RAD51B: variants seen among roughly 807,000 people sequenced by gnomAD.
RAD51B encodes the protein RAD51 paralog B.
RAD51B carries 38 observed loss-of-function variants against 42.2 expected under a neutral mutation model. The ratio of observed to expected loss-of-function variants is 0.90; its 90% CI spans 0.70 to 1.18. The LOEUF (loss-of-function observed/expected upper bound fraction) is 1.18. Ranked by LOEUF, RAD51B falls within the 50% of genes most tolerant of loss-of-function variation. The probability of loss-of-function intolerance (pLI) is 0.00; values close to 1 mark genes in which losing one functional copy is unlikely to be tolerated. For missense variants in RAD51B, 373 were observed against 400.7 expected, an observed-to-expected ratio of 0.93 and a Z score of 0.59; for synonymous variants, 154 against 145.2, an observed-to-expected ratio of 1.06 and a Z score of -0.43.
intron 8 of RAD51B, among the ~76,000 whole-genome samples, chr14:68,353,419 T>G (rs79115367): frequency 0.04 from 6,060 of 152,236 alleles, 144 homozygotes; most frequent in African/African-American, 0.055. Context: ...TGGGCCTCTA[T>G]GTGTGTAGGT....
intron 7 of RAD51B, among the ~76,000 whole-genome samples, chr14:68,025,654 G>C (rs1361097894): frequency 6.6e-6 from 1 of 151,782 alleles, no homozygotes; most frequent in South Asian, 2.1e-4. Flanking sequence ...CTTCTAATTA[G>C]TATGCATAGA....
chr14:68,601,492 G>C (rs1477565232), intron 10 of RAD51B, among the ~76,000 whole-genome samples: 1 of 152,154 alleles, frequency 6.6e-6, no homozygotes, highest in East Asian at 1.9e-4. Flanking sequence ...TGAGCACTTG[G>C]AGTTCTTTGG....
chr14:68,022,778 G>A (rs2075888359), intron 7 of RAD51B, among the ~76,000 whole-genome samples: 1 of 151,946 alleles, frequency 6.6e-6, no homozygotes. Flanking sequence ...TACCTAATAG[G>A]CACATTTTCA....
At chr14:68,221,242 A>G (rs1372224142) in intron 7 of RAD51B, among the ~76,000 whole-genome samples, 3 of 152,216 alleles carry the variant, frequency 2.0e-5, no homozygotes, top group Non-Finnish European at 4.4e-5. Context: ...AGTCAAAGCA[A>G]TACTAAGCAT....
At chr14:68,336,808 C>A (rs2082463896) in intron 8 of RAD51B, among the ~76,000 whole-genome samples, 1 of 152,188 alleles carries the variant, frequency 6.6e-6, no homozygotes, top group African/African-American at 2.4e-5. Context: ...GTGGAGAATT[C>A]ATTCCCAGGG....
chr14:67,822,520 T>C (rs1158880444), intron 1 of RAD51B, among the ~76,000 whole-genome samples: 1 of 151,844 alleles, frequency 6.6e-6, no homozygotes, highest in African/African-American at 2.4e-5. Context: ...CTACAAAAAA[T>C]ACAAAAATTG....
chr14:68,664,994 C>T (rs938932405), intron 11 of RAD51B, among the ~76,000 whole-genome samples: 2 of 152,248 alleles, frequency 1.3e-5, no homozygotes, highest in African/African-American at 4.8e-5. Flanking sequence ...TCTGTCCTTT[C>T]AGCCCCTTTC....
rs141950667 is a variant in RAD51B at position 68,283,521 on chromosome 14, C to G, written c.757-8363C>G. 1.4e-4 allele frequency among the ~76,000 whole-genome samples: 21 copies of G among 152,366 alleles called. No individual in the cohort carries two copies. The Middle Eastern group carries it at 0.014, about 99-fold the overall frequency. On this transcript the variant is annotated intron_variant, in intron 7 of 10. Transcript: ENST00000471583. ...TTGCACACAGTTGGCGAATACACCA[C>G]TGGAAGCCACTGTGGCTGCATTGTC...
intron 10 of RAD51B, among the ~76,000 whole-genome samples, chr14:68,603,429 T>A (rs534158370): frequency 5.3e-5 from 8 of 152,220 alleles, no homozygotes; most frequent in African/African-American, 1.9e-4. Context: ...GGATTTTTTA[T>A]ACTTTTCTGT....
At chr14:68,072,113 A>T (rs939823544) in intron 7 of RAD51B, among the ~76,000 whole-genome samples, 29 of 135,758 alleles carry the variant, frequency 2.1e-4, no homozygotes, top group African/African-American at 7.7e-4. Flanking sequence ...AAATATAAAA[A>T]ATATATAAAA....
chr14:68,064,376 A>G lies in RAD51B; in HGVS notation c.756+177172A>G, dbSNP rs1188200031. ...GATGCTTTTCCTATGCTGTTTTACA[A>G]TTCTTTCTTTGTCTTTGACTTTTGA... On this transcript the variant is annotated intron_variant, in intron 7 of 10. Coordinates refer to ENST00000471583, the MANE Select transcript of RAD51B (RefSeq NM_133510.4). 3.9e-5 allele frequency among the ~76,000 whole-genome samples: 6 copies of G among 152,122 alleles called. No homozygotes were observed. The South Asian group carries it at 8.3e-4, about 21-fold the overall frequency.
chr14:68,595,792 G>GA (rs1347947931), exon 11 of RAD51B: 13 of 380,242 alleles, frequency 3.4e-5, no homozygotes, highest in Non-Finnish European at 4.7e-5. Context: ...TTATTAAAGA[G>GA]AAAAAACAGA....
At chr14:68,593,016 C>A (rs929759637) in intron 10 of RAD51B, among the ~76,000 whole-genome samples, 1 of 152,166 alleles carries the variant, frequency 6.6e-6, no homozygotes, top group Non-Finnish European at 1.5e-5. Flanking sequence ...CATACCAGGT[C>A]TCTAGAGAAG....
intron 7 of RAD51B, among the ~76,000 whole-genome samples, chr14:68,097,984 AC>A (rs1187453844): frequency 1.3e-5 from 2 of 152,066 alleles, no homozygotes; most frequent in African/African-American, 4.8e-5. Context: ...AGAACATCTC[AC>A]TGAAGCTTTA....
At chr14:68,091,272 A>T (rs1024244474) in intron 7 of RAD51B, among the ~76,000 whole-genome samples, 4 of 152,172 alleles carry the variant, frequency 2.6e-5, no homozygotes, top group Admixed American at 1.3e-4. Flanking sequence ...CTGAGGAACC[A>T]CCACACTGAC....
intron 7 of RAD51B, among the ~76,000 whole-genome samples, chr14:68,145,428 A>G (rs1003403783): frequency 1.3e-5 from 2 of 152,220 alleles, no homozygotes; most frequent in Non-Finnish European, 2.9e-5. Context: ...CCTCTGTTAT[A>G]TGGCAAAAGT....
chr14:68,411,917 A>C (rs1237710537), intron 9 of RAD51B, among the ~76,000 whole-genome samples: 1 of 152,226 alleles, frequency 6.6e-6, no homozygotes, highest in East Asian at 1.9e-4. Flanking sequence ...TACTTTGAAA[A>C]TCTTAGGCCA....
intron 10 of RAD51B, chr14:68,562,734 C>T: frequency 1.0e-6 from 1 of 985,386 alleles, no homozygotes; most frequent in Non-Finnish European, 1.2e-6. Flanking sequence ...TATTCATCCC[C>T]CTGGTGCCCT....
chr14:68,048,356 A>G (rs2076336551), intron 7 of RAD51B, among the ~76,000 whole-genome samples: 1 of 152,064 alleles, frequency 6.6e-6, no homozygotes, highest in Non-Finnish European at 1.5e-5. Context: ...TTGTCAGATG[A>G]GTAGATTGCA....
Sources: allele counts gnomAD v4.1 joint callset (sites outside exome capture counted in the v4.1 genomes callset), GRCh38; gene constraint gnomAD v4.1.1; transcripts MANE v1.5; gene names NCBI Gene and HGNC (gene_info 2026-07-23, HGNC 2026-07-21).